RBMS3: variants seen among roughly 807,000 people sequenced by gnomAD.
The protein encoded by RBMS3 is RNA binding motif single stranded interacting protein 3, also known as RNA-binding motif, single-stranded-interacting protein 3.
In RBMS3, 27 loss-of-function variants were observed where a neutral mutation model predicts 66.8. That is an observed-to-expected ratio of 0.40 (90% confidence interval 0.30 to 0.56). The LOEUF (loss-of-function observed/expected upper bound fraction) is 0.56. Ranked by LOEUF, RBMS3 falls within the 20% of genes least tolerant of loss-of-function variation. The pLI is 0.40. For missense variants in RBMS3, 513 were observed against 549.5 expected, an observed-to-expected ratio of 0.93 and a Z score of 0.66; for synonymous variants, 188 against 183.0, an observed-to-expected ratio of 1.03 and a Z score of -0.22.
At chr3:29,639,410 A>T (rs749701205) in intron 4 of RBMS3, among the ~76,000 whole-genome samples, 2 of 151,848 alleles carry the variant, frequency 1.3e-5, no homozygotes, top group Non-Finnish European at 2.9e-5. Context: ...AAACACGCCT[A>T]GTGATACTTT....
At chr3:29,644,667 T>C (rs917340936) in intron 4 of RBMS3, among the ~76,000 whole-genome samples, 2 of 152,196 alleles carry the variant, frequency 1.3e-5, no homozygotes, top group Non-Finnish European at 2.9e-5. Context: ...TCATCCAATA[T>C]ATTATAATAG....
chr3:29,691,947 C>CTCTCTCTCTTTTTTTTT (rs1218393454), intron 4 of RBMS3, among the ~76,000 whole-genome samples: 3 of 53,538 alleles, frequency 5.6e-5, no homozygotes, highest in Non-Finnish European at 7.8e-5. Context: ...CTCTCTCTCT[C>CTCTCTCTCTTTTTTTTT]TATTTTTTTT....
At chr3:29,623,511 G>A (rs1373260788) in intron 4 of RBMS3, among the ~76,000 whole-genome samples, 1 of 149,170 alleles carries the variant, frequency 6.7e-6, no homozygotes, top group Non-Finnish European at 1.5e-5. Flanking sequence ...AGGATGGCGT[G>A]AACCAGGGAG....
At chr3:29,867,404 T>C (rs1436258423) in intron 6 of RBMS3, among the ~76,000 whole-genome samples, 1 of 149,586 alleles carries the variant, frequency 6.7e-6, no homozygotes. Flanking sequence ...CCTAGGCTTA[T>C]ATATTTTTTT....
chr3:29,776,538 T>A (rs1422187016), intron 6 of RBMS3, among the ~76,000 whole-genome samples: 1 of 151,996 alleles, frequency 6.6e-6, no homozygotes, highest in East Asian at 1.9e-4. Flanking sequence ...ATTGTCCCAT[T>A]TGATGTTAAC....
chr3:29,299,919 T>G (rs949717402), intron 1 of RBMS3, among the ~76,000 whole-genome samples: 1 of 151,810 alleles, frequency 6.6e-6, no homozygotes, highest in African/African-American at 2.4e-5. Context: ...AAAGAAGGCC[T>G]GCAGTATATA....
intron 7 of RBMS3, among the ~76,000 whole-genome samples, chr3:29,874,006 G>A (rs1215029883): frequency 6.6e-6 from 1 of 152,080 alleles, no homozygotes; most frequent in African/African-American, 2.4e-5. Flanking sequence ...TGTAAAGTAT[G>A]TGCTTTTGGG....
chr3:29,402,247 A>G (rs9816298), intron 1 of RBMS3, among the ~76,000 whole-genome samples: 3,218 of 152,180 alleles, frequency 0.021, 123 homozygotes, highest in African/African-American at 0.073. Flanking sequence ...CTAATGAAGA[A>G]AAAGCTTATC....
intron 10 of RBMS3, among the ~76,000 whole-genome samples, chr3:29,900,950 C>A (rs1486070416): frequency 6.6e-6 from 1 of 151,788 alleles, no homozygotes; most frequent in Non-Finnish European, 1.5e-5. Context: ...GCTTTCATAT[C>A]TGAGCAGGGT....
At chr3:29,302,243 C>A (rs2033724552) in intron 1 of RBMS3, among the ~76,000 whole-genome samples, 1 of 151,952 alleles carries the variant, frequency 6.6e-6, no homozygotes, top group Non-Finnish European at 1.5e-5. Context: ...ACCTCCTGGG[C>A]TCAAGTAACC....
chr3:29,897,545 G>T (rs2060152890), intron 9 of RBMS3, 70 bp downstream of exon 9: 2 of 1,406,434 alleles, frequency 1.4e-6, no homozygotes, highest in Admixed American at 3.4e-5. Context: ...AGGCAAAAAG[G>T]ACACAGTAGA....
At position 30,003,982 on chromosome 3, in the gene RBMS3, GT is replaced by G. The variant is rs950194809; in HGVS notation, c.*130del. ...AATGCATTTTTTTGTTGTTGTTGTT[GT>G]TTTTTTTTTAGTGTTATACCTTACC... On this transcript the variant is annotated 3_prime_UTR_variant, in exon 15 of 15. Coordinates refer to ENST00000383767, the MANE Select transcript of RBMS3 (RefSeq NM_001003793.3). The G allele has an allele frequency of 3.6e-3, 2,584 of 723,420 alleles. No homozygotes were observed. Among genetic ancestry groups the G allele is most frequent in the South Asian group, 5.4e-3 (117 of 21,810 alleles). 44.8% of individuals were successfully genotyped at this position (723,420 alleles called of 1,614,324 possible). A position where few individuals can be genotyped will look rare whatever the true frequency, so the allele number is the denominator to read the frequency against.
At chr3:29,388,509 A>G (rs2039117919) in intron 1 of RBMS3, among the ~76,000 whole-genome samples, 1 of 152,216 alleles carries the variant, frequency 6.6e-6, no homozygotes, top group South Asian at 2.1e-4. Flanking sequence ...CTGTAATTAG[A>G]GAGTTAGATA....
At chr3:29,587,464 C>A (rs1005276266) in intron 4 of RBMS3, among the ~76,000 whole-genome samples, 1 of 151,326 alleles carries the variant, frequency 6.6e-6, no homozygotes, top group African/African-American at 2.4e-5. Flanking sequence ...TGTTTCTTTG[C>A]CTATATTTAT....
chr3:29,406,366 G>T (rs542067874), intron 1 of RBMS3, among the ~76,000 whole-genome samples: 18 of 152,266 alleles, frequency 1.2e-4, no homozygotes, highest in African/African-American at 4.1e-4. Context: ...TATTAAAAAT[G>T]AAATCTGTAC....
intron 12 of RBMS3, among the ~76,000 whole-genome samples, chr3:29,982,610 G>T (rs747584652): frequency 6.6e-6 from 1 of 152,102 alleles, no homozygotes; most frequent in Non-Finnish European, 1.5e-5. Context: ...ATTCTGGTAC[G>T]TTGTGTCTGT....
chr3:29,476,333 T>A (rs1298611829), intron 2 of RBMS3, among the ~76,000 whole-genome samples: 1 of 152,238 alleles, frequency 6.6e-6, no homozygotes, highest in East Asian at 1.9e-4. Flanking sequence ...AGACTTTACA[T>A]ACTCTTTTAG....
At chr3:29,594,885 G>A (rs1445216859) in intron 4 of RBMS3, among the ~76,000 whole-genome samples, 1 of 152,150 alleles carries the variant, frequency 6.6e-6, no homozygotes, top group African/African-American at 2.4e-5. Flanking sequence ...TCCATAATCT[G>A]CCTGTGGGTA....
At chr3:29,527,951 G>T (rs745525720) in intron 3 of RBMS3, among the ~76,000 whole-genome samples, 1 of 151,064 alleles carries the variant, frequency 6.6e-6, no homozygotes, top group Non-Finnish European at 1.5e-5. Flanking sequence ...AAAATAAAAA[G>T]AAATAGCAGA....
Sources: gnomAD v4.1 joint callset for allele counts (sites outside exome capture counted in the v4.1 genomes callset) on GRCh38, gnomAD v4.1.1 for gene constraint, MANE v1.5 for transcripts, NCBI Gene and HGNC (gene_info 2026-07-23, HGNC 2026-07-21) for gene names.